ZDHHC7: variants seen among roughly 807,000 people sequenced by gnomAD.
ZDHHC7 encodes the protein palmitoyltransferase ZDHHC7.
A neutral mutation model predicts 34.1 loss-of-function variants in ZDHHC7; 12 were observed. The observed-to-expected ratio is 0.35, with a 90% CI of 0.23 to 0.57. The LOEUF (loss-of-function observed/expected upper bound fraction) is 0.57, where lower values mean the gene tolerates loss of function less well. Among genes scored for constraint, ZDHHC7 ranks in the 20% least tolerant of loss-of-function variants. ZDHHC7 has a pLI of 0.84. For synonymous variants in ZDHHC7, 185 were observed against 155.4 expected (o/e 1.19, Z -1.42); for missense variants, 388 against 402.7 (o/e 0.96, Z 0.31).
At chr16:84,978,069 C>T in intron 5 of ZDHHC7, 64 bp from the exon 6 acceptor site, 1 of 1,318,224 alleles carries the variant, frequency 7.6e-7, no homozygotes, top group East Asian at 2.4e-5. Flanking sequence ...ACAGAGTCTC[C>T]CTCTGTTGTC....
chr16:84,997,219 T>C lies in ZDHHC7; in HGVS notation c.-103-1212A>G, dbSNP rs374088122. The stretch of plus-strand genomic sequence containing the variant: ...AAAGAGGAACAGTTTAAGAACTTCC[T>C]GGTTATTCTACAACGAAAATACAAC... On this transcript the variant is annotated intron_variant, in intron 1 of 7. Coordinates refer to ENST00000313732, the MANE Select transcript of ZDHHC7 (RefSeq NM_017740.3). Among the ~76,000 whole-genome samples, 9 of 151,504 alleles carry C rather than the reference T, an allele frequency of 5.9e-5. No homozygotes were observed. In the East Asian group the frequency reaches 1.6e-3, roughly 26 times the overall value.
chr16:84,988,267 G>T (rs1240853185), intron 3 of ZDHHC7, among the ~76,000 whole-genome samples: 4 of 152,092 alleles, frequency 2.6e-5, no homozygotes, highest in African/African-American at 9.7e-5. Context: ...GGGGAACTGG[G>T]AAGTGATGGC....
At chr16:85,002,799 G>A (rs1416475573) in intron 1 of ZDHHC7, among the ~76,000 whole-genome samples, 3 of 152,076 alleles carry the variant, frequency 2.0e-5, no homozygotes, top group African/African-American at 7.2e-5. Context: ...GGCATGAAGA[G>A]AAGTGAAAGC....
the ZDHHC7 span, among the ~76,000 whole-genome samples, chr16:85,018,298 T>C: frequency 6.6e-6 from 1 of 152,010 alleles, no homozygotes; most frequent in African/African-American, 2.4e-5. Flanking sequence ...TGATCTTCGG[T>C]GTAGGAAGAC....
intron 1 of ZDHHC7, among the ~76,000 whole-genome samples, chr16:85,001,883 C>T (rs73255980): frequency 0.023 from 3,435 of 151,002 alleles, 130 homozygotes; most frequent in African/African-American, 0.078. Context: ...TTTTTAATAC[C>T]ATTCTCTAAT....
At chr16:84,993,207 C>G (rs1050371427) in intron 2 of ZDHHC7, among the ~76,000 whole-genome samples, 1 of 151,662 alleles carries the variant, frequency 6.6e-6, no homozygotes, top group Non-Finnish European at 1.5e-5. Context: ...TATAGTCCCC[C>G]CTACTAGGGA....
chr16:84,981,030 C>T (rs2072360747), intron 4 of ZDHHC7, among the ~76,000 whole-genome samples: 1 of 152,200 alleles, frequency 6.6e-6, no homozygotes, highest in African/African-American at 2.4e-5. Flanking sequence ...AGGCCACGAC[C>T]CCCCAGGAGA....
At position 84,976,266 on chromosome 16, in the gene ZDHHC7, T is replaced by C; in HGVS notation, c.*77A>G. 1.3e-6 allele frequency: 2 copies of C among 1,557,632 alleles called. No individual in the cohort carries two copies. ...TTCCAGTTGCCCTGTTGGTCACAGATGAGCTGTTGATATCCTTCAGACCCC... is the reference window on the plus strand; with the variant it reads ...TTCCAGTTGCCCTGTTGGTCACAGACGAGCTGTTGATATCCTTCAGACCCC... On this transcript the variant is annotated 3_prime_UTR_variant, in exon 8 of 8. Coordinates refer to ENST00000313732, the MANE Select transcript of ZDHHC7 (RefSeq NM_017740.3).
intron 2 of ZDHHC7, among the ~76,000 whole-genome samples, chr16:84,995,244 G>A (rs2326422): frequency 2.6e-5 from 4 of 151,974 alleles, no homozygotes; most frequent in South Asian, 2.1e-4. Context: ...GCTCTTTCTC[G>A]GCATGTTAAA....
In ZDHHC7 at chr16:84,989,846, G is replaced by T. The variant is rs138879471; in HGVS notation, c.315+458C>A. ...TTAAAACCACTGTTTTAAAGCAGTG[G>T]AAAGAACTTTTTTCAAATGAAAATC... On this transcript the variant is annotated intron_variant, in intron 3 of 7. Transcript: ENST00000313732. Among the ~76,000 whole-genome samples the T allele has an allele frequency of 6.6e-3, 997 of 152,212 alleles. 5 individuals carry two copies. The highest frequency in any genetic ancestry group is 0.027 in the Middle Eastern group (8 of 294).
upstream of ZDHHC7, among the ~76,000 whole-genome samples, chr16:85,013,618 G>C (rs768164296): frequency 1.3e-5 from 2 of 152,126 alleles, no homozygotes; most frequent in Non-Finnish European, 2.9e-5. Flanking sequence ...TCTTTCCCAA[G>C]TTTCTCTTAT....
At chr16:85,002,235 G>A (rs1334802587) in intron 1 of ZDHHC7, among the ~76,000 whole-genome samples, 1 of 152,146 alleles carries the variant, frequency 6.6e-6, no homozygotes, top group Non-Finnish European at 1.5e-5. Flanking sequence ...CCTCCAGCAG[G>A]GAGGACGCTG....
At chr16:84,989,268 A>G (rs778183966) in intron 3 of ZDHHC7, among the ~76,000 whole-genome samples, 42 of 152,134 alleles carry the variant, frequency 2.8e-4, no homozygotes, top group Non-Finnish European at 4.4e-4. Flanking sequence ...GCTGCCCATG[A>G]CCTCTACTAG....
upstream of ZDHHC7, among the ~76,000 whole-genome samples, chr16:85,013,732 A>T (rs1364582059): frequency 1.3e-5 from 2 of 152,042 alleles, no homozygotes; most frequent in African/African-American, 2.4e-5. Context: ...ACTGTTTCCC[A>T]GGCTGGAGTG....
intron 1 of ZDHHC7, among the ~76,000 whole-genome samples, chr16:85,010,082 T>G (rs1182410306): frequency 1.3e-5 from 2 of 151,108 alleles, no homozygotes; most frequent in African/African-American, 2.4e-5. Context: ...CTCACTCTGT[T>G]GCCCAGGCTG....
At chr16:84,995,748 T>A (rs2072568806) in intron 2 of ZDHHC7, among the ~76,000 whole-genome samples, 174 bp downstream of exon 2, 1 of 152,200 alleles carries the variant, frequency 6.6e-6, no homozygotes. Flanking sequence ...CCTCCACAGA[T>A]ACACCCTCCT....
At chr16:84,996,909 C>T (rs945967550) in intron 1 of ZDHHC7, among the ~76,000 whole-genome samples, 1 of 151,906 alleles carries the variant, frequency 6.6e-6, no homozygotes, top group African/African-American at 2.4e-5. Flanking sequence ...CGCTTGTAAT[C>T]CCAGCTACTC....
chr16:85,022,529 A>G, the ZDHHC7 span, among the ~76,000 whole-genome samples: 1 of 152,124 alleles, frequency 6.6e-6, no homozygotes, highest in South Asian at 2.1e-4. Context: ...TCTTAATAAT[A>G]AGAAGAAGGA....
intron 3 of ZDHHC7, 141 bp from the exon 4 acceptor site, chr16:84,982,135 G>A: frequency 1.9e-6 from 2 of 1,073,604 alleles, no homozygotes; most frequent in Non-Finnish European, 2.7e-6. Context: ...TTCAAGACCA[G>A]CCTGGCCAAC....
Sources: gnomAD v4.1 joint callset for allele counts (sites outside exome capture counted in the v4.1 genomes callset) on GRCh38, gnomAD v4.1.1 for gene constraint, MANE v1.5 for transcripts, NCBI Gene and HGNC (gene_info 2026-07-23, HGNC 2026-07-21) for gene names.